The following CAMK2D variants were observed in gnomAD, a reference collection of about 807,000 sequenced individuals.
The protein encoded by CAMK2D is calcium/calmodulin-dependent protein kinase type II subunit delta.
A neutral mutation model predicts 84.0 loss-of-function variants in CAMK2D; 37 were observed. The observed-to-expected ratio is 0.44, with a 90% CI of 0.34 to 0.58. The LOEUF is 0.58. CAMK2D is among the 20% of genes least tolerant of loss of function. The pLI, the probability that CAMK2D is intolerant of heterozygous loss-of-function variation, is 0.02. For missense variants in CAMK2D, 448 were observed against 652.5 expected (o/e 0.69, Z 3.41); for synonymous variants, 202 against 212.5 (o/e 0.95, Z 0.43).
intron 3 of CAMK2D, among the ~76,000 whole-genome samples, chr4:113,633,683 G>T (rs763674303): frequency 1.3e-5 from 2 of 152,166 alleles, no homozygotes; most frequent in Non-Finnish European, 2.9e-5. Flanking sequence ...AGAAGTGACT[G>T]TTGGCTCCAC....
intron 19 of CAMK2D, chr4:113,456,958 T>A (rs915370840): frequency 5.3e-6 from 1 of 187,204 alleles, no homozygotes; most frequent in East Asian, 1.5e-4. Context: ...TGATAATATA[T>A]TGGCCATTTT....
intron 2 of CAMK2D, among the ~76,000 whole-genome samples, chr4:113,666,346 G>A (rs929101422): frequency 2.2e-4 from 33 of 152,144 alleles, no homozygotes; most frequent in African/African-American, 7.7e-4. Flanking sequence ...TTTCTTACAT[G>A]AATGACATAT....
chr4:113,469,279 C>T (rs2097517684), intron 16 of CAMK2D, among the ~76,000 whole-genome samples: 1 of 152,166 alleles, frequency 6.6e-6, no homozygotes, highest in Admixed American at 6.5e-5. Flanking sequence ...GTGATTATTT[C>T]TTGGTTTAAC....
intron 2 of CAMK2D, among the ~76,000 whole-genome samples, chr4:113,687,934 A>G (rs533681838): frequency 1.5e-4 from 23 of 152,348 alleles, no homozygotes; most frequent in Non-Finnish European, 1.5e-5. Flanking sequence ...ATTATAACTA[A>G]TAAAGCAGTA....
intron 3 of CAMK2D, among the ~76,000 whole-genome samples, chr4:113,609,525 C>T (rs957618940): frequency 6.6e-6 from 1 of 152,132 alleles, no homozygotes; most frequent in Non-Finnish European, 1.5e-5. Flanking sequence ...GAATACTAAA[C>T]AAATGTTAAG....
intron 7 of CAMK2D, among the ~76,000 whole-genome samples, chr4:113,535,152 G>C (rs1231768477): frequency 1.3e-5 from 2 of 151,986 alleles, no homozygotes; most frequent in African/African-American, 4.8e-5. Flanking sequence ...TTATATCCCT[G>C]GGCCTAAGTT....
At chr4:113,716,802 A>T (rs1593478657) in intron 2 of CAMK2D, among the ~76,000 whole-genome samples, 1 of 152,272 alleles carries the variant, frequency 6.6e-6, no homozygotes, top group East Asian at 1.9e-4. Flanking sequence ...GACACATGGT[A>T]ATGAGCAGAA....
chr4:113,716,685 C>T (rs1169515910), intron 2 of CAMK2D, among the ~76,000 whole-genome samples: 2 of 143,978 alleles, frequency 1.4e-5, no homozygotes, highest in Non-Finnish European at 3.0e-5. Flanking sequence ...TACACACAAG[C>T]CTGTAGAACT....
At chr4:113,582,480 G>A (rs2098814893) in intron 4 of CAMK2D, among the ~76,000 whole-genome samples, 1 of 152,082 alleles carries the variant, frequency 6.6e-6, no homozygotes, top group Admixed American at 6.6e-5. Context: ...TCAAGTCAAA[G>A]TATGTTTCTA....
intron 4 of CAMK2D, among the ~76,000 whole-genome samples, chr4:113,600,273 A>G (rs1360798012): frequency 1.3e-5 from 2 of 152,212 alleles, no homozygotes; most frequent in Non-Finnish European, 1.5e-5. Flanking sequence ...GAACCCTAGC[A>G]TAAATTATGG....
At chr4:113,483,409 CTT>C (rs763520561) in intron 16 of CAMK2D, among the ~76,000 whole-genome samples, 6 of 145,148 alleles carry the variant, frequency 4.1e-5, no homozygotes, top group Non-Finnish European at 3.0e-5. Context: ...CCTTATGCTT[CTT>C]TTTTTTTTTT....
chr4:113,494,211 G>A (rs558694949), intron 16 of CAMK2D, among the ~76,000 whole-genome samples: 131 of 152,330 alleles, frequency 8.6e-4, no homozygotes, highest in African/African-American at 2.8e-3. Context: ...AGGAGGAGAG[G>A]CACTCTGCTT....
At chr4:113,718,497 A>G (rs943856342) in intron 2 of CAMK2D, among the ~76,000 whole-genome samples, 7 of 152,178 alleles carry the variant, frequency 4.6e-5, no homozygotes, top group Non-Finnish European at 8.8e-5. Flanking sequence ...AGGTTTTACA[A>G]TAGTGATGTT....
chr4:113,541,994 T>G (rs541890507), intron 6 of CAMK2D, among the ~76,000 whole-genome samples: 1 of 152,366 alleles, frequency 6.6e-6, no homozygotes, highest in Admixed American at 6.5e-5. Context: ...AGCAGATGTA[T>G]GTGCTATAAG....
rs1477506874 is a variant in CAMK2D, at chr4:113,753,639, T to A, written c.160+5681A>T. The A allele has an allele frequency of 1.0e-5, 3 of 286,766 alleles. No homozygotes were observed. In the Admixed American group the frequency reaches 1.9e-4, roughly 19 times the overall value. The allele number at this position is 286,766 out of a possible 1,614,324, so 17.8% of individuals were successfully genotyped here. Reference sequence around the variant, plus strand: ...TTTGTCACTTAAGAAACAGCCTACGTCATTTAAAATAATTTTATTCTAAAA... The same window carrying A: ...TTTGTCACTTAAGAAACAGCCTACGACATTTAAAATAATTTTATTCTAAAA... On this transcript the variant is annotated intron_variant, in intron 2 of 20. Coordinates refer to ENST00000511664, the MANE Select transcript of CAMK2D (RefSeq NM_001321571.2).
At chr4:113,691,998 A>G (rs1173382381) in intron 2 of CAMK2D, among the ~76,000 whole-genome samples, 1 of 152,226 alleles carries the variant, frequency 6.6e-6, no homozygotes, top group Admixed American at 6.5e-5. Context: ...AAAGTCAACC[A>G]TGAAACAGTT....
Position 113,470,922 on chromosome 4 carries a change from C to T in CAMK2D, c.1136-5318G>A, listed in dbSNP as rs114412289. On this transcript the variant is annotated intron_variant, in intron 16 of 20. Transcript: ENST00000511664. The stretch of plus-strand genomic sequence containing the variant: ...GGTCCAGAACAAACTCAATTGGTTT[C>T]GATTCCCAATCCAATGACCTTTTTA... 3.3e-3 allele frequency among the ~76,000 whole-genome samples: 498 copies of T among 152,246 alleles called. 3 individuals are homozygous for T. The highest frequency in any genetic ancestry group is 0.011 in the African/African-American group (472 of 41,548).
At chr4:113,497,272 C>T (rs965953801) in intron 16 of CAMK2D, among the ~76,000 whole-genome samples, 17 of 152,108 alleles carry the variant, frequency 1.1e-4, no homozygotes, top group Admixed American at 1.0e-3. Flanking sequence ...GCATTCAAAT[C>T]TCTTGAACAT....
intron 8 of CAMK2D, among the ~76,000 whole-genome samples, chr4:113,523,804 C>T (rs565897674): frequency 2.2e-4 from 33 of 151,858 alleles, no homozygotes; most frequent in African/African-American, 2.7e-4. Flanking sequence ...AATAAACAAA[C>T]AAACAAATAA....
Sources: gnomAD v4.1 joint callset for allele counts (sites outside exome capture counted in the v4.1 genomes callset) on GRCh38, gnomAD v4.1.1 for gene constraint, MANE v1.5 for transcripts, NCBI Gene and HGNC (gene_info 2026-07-23, HGNC 2026-07-21) for gene names.